LYPD6B: variants seen among roughly 807,000 people sequenced by gnomAD.
LYPD6B encodes the protein LY6/PLAUR domain containing 6B, also known as ly6/PLAUR domain-containing protein 6B.
Under a neutral mutation model 22.8 loss-of-function variants are expected in LYPD6B, and 17 were observed. The observed-to-expected ratio is 0.75, with a 90% CI of 0.51 to 1.12. The LOEUF (loss-of-function observed/expected upper bound fraction) is 1.12, where lower values mean the gene tolerates loss of function less well. Ranked by LOEUF, LYPD6B falls within the 50% of genes most tolerant of loss-of-function variation. The pLI, the probability that LYPD6B is intolerant of heterozygous loss-of-function variation, is 0.00. For missense variants in LYPD6B, 221 were observed against 258.3 expected, an observed-to-expected ratio of 0.86 and a Z score of 0.99; for synonymous variants, 106 against 91.6, an observed-to-expected ratio of 1.16 and a Z score of -0.90.
chr2:149,045,541 T>C (rs2105262273), intron 1 of LYPD6B, among the ~76,000 whole-genome samples: 1 of 152,194 alleles, frequency 6.6e-6, no homozygotes, highest in East Asian at 1.9e-4. Context: ...ATGCTATACA[T>C]TTCCCTCTAG....
intron 3 of LYPD6B, among the ~76,000 whole-genome samples, chr2:149,163,411 AATAG>A (rs1360555776): frequency 1.3e-5 from 2 of 152,170 alleles, no homozygotes; most frequent in African/African-American, 2.4e-5. Flanking sequence ...ATACCCACAA[AATAG>A]ATAGTACAAG....
chr2:149,085,473 T>C (rs534184657), intron 1 of LYPD6B, among the ~76,000 whole-genome samples: 1 of 152,360 alleles, frequency 6.6e-6, no homozygotes, highest in East Asian at 1.9e-4. Context: ...ATAGAATTGT[T>C]TATTTTTTTC....
At chr2:149,115,342 C>G (rs1249675006) in intron 1 of LYPD6B, among the ~76,000 whole-genome samples, 1 of 152,194 alleles carries the variant, frequency 6.6e-6, no homozygotes, top group Non-Finnish European at 1.5e-5. Context: ...AGTTTTCTAT[C>G]TACCTTATTG....
chr2:149,202,283 T>C (rs1693211119), intron 3 of LYPD6B, among the ~76,000 whole-genome samples: 1 of 152,188 alleles, frequency 6.6e-6, no homozygotes, highest in Non-Finnish European at 1.5e-5. Flanking sequence ...ATTCTTGCTA[T>C]GGCCTGTAAG....
Position 149,088,998 on chromosome 2 carries a change from A to G in LYPD6B, c.-66-41885A>G, listed in dbSNP as rs114113380. 4.6e-3 allele frequency among the ~76,000 whole-genome samples: 705 copies of G among 152,248 alleles called. 4 individuals carry two copies. The highest frequency in any genetic ancestry group is 0.016 in the African/African-American group (671 of 41,546). On this transcript the variant is annotated intron_variant, in intron 1 of 6. Coordinates refer to ENST00000409642, the MANE Select transcript of LYPD6B (RefSeq NM_177964.5). ...CATACTTCCTTTTGAAGAGTTCTCAAACACTCAGTTTCCTCTTCCTCAAAA... is the reference window on the plus strand; with the variant it reads ...CATACTTCCTTTTGAAGAGTTCTCAGACACTCAGTTTCCTCTTCCTCAAAA...
chr2:149,128,306 C>G (rs545679885), intron 1 of LYPD6B, among the ~76,000 whole-genome samples: 1 of 152,124 alleles, frequency 6.6e-6, no homozygotes, highest in Non-Finnish European at 1.5e-5. Flanking sequence ...TAGGGATGTT[C>G]CATCAAATAG....
chr2:149,061,972 C>A (rs1325843817), intron 1 of LYPD6B, among the ~76,000 whole-genome samples: 2 of 142,700 alleles, frequency 1.4e-5, no homozygotes, highest in African/African-American at 2.6e-5. Flanking sequence ...ATCGTAGAAT[C>A]TTTTTTTTTT....
At chr2:149,124,183 T>G (rs2105634991) in intron 1 of LYPD6B, among the ~76,000 whole-genome samples, 1 of 152,240 alleles carries the variant, frequency 6.6e-6, no homozygotes, top group East Asian at 1.9e-4. Context: ...GTCCTTTTAA[T>G]TCCTCACTGC....
At chr2:149,057,697 G>C (rs1683868621) in intron 1 of LYPD6B, among the ~76,000 whole-genome samples, 1 of 152,160 alleles carries the variant, frequency 6.6e-6, no homozygotes, top group Non-Finnish European at 1.5e-5. Flanking sequence ...GCAAATGGAA[G>C]AATTACAGCA....
intron 3 of LYPD6B, among the ~76,000 whole-genome samples, chr2:149,189,186 C>T (rs4455126): frequency 1.3e-5 from 2 of 151,678 alleles, no homozygotes; most frequent in Admixed American, 6.6e-5. Context: ...ACTCAGCAGC[C>T]TGAAATCTGG....
chr2:149,168,303 G>A lies in LYPD6B; in HGVS notation c.77+7468G>A, dbSNP rs949401060. Among the ~76,000 whole-genome samples, 19 of 151,706 alleles carry A rather than the reference G, an allele frequency of 1.3e-4. 1 individual carries two copies. Among genetic ancestry groups the A allele is most frequent in the Non-Finnish European group, 1.9e-4 (13 of 67,960 alleles). On this transcript the variant is annotated intron_variant, in intron 3 of 6. Coordinates refer to ENST00000409642, the MANE Select transcript of LYPD6B (RefSeq NM_177964.5). The stretch of plus-strand genomic sequence containing the variant: ...GGGATGGTGCTTTCAATGGTTAAAG[G>A]CATATTTACACATTTGCACATGTGC...
intron 3 of LYPD6B, among the ~76,000 whole-genome samples, chr2:149,161,975 T>A (rs55904209): frequency 0.2 from 30,448 of 152,008 alleles, 3,539 homozygotes; most frequent in Non-Finnish European, 0.26. Flanking sequence ...CCCCGGGGCA[T>A]ATTGGGTGGA....
intron 1 of LYPD6B, among the ~76,000 whole-genome samples, chr2:149,104,654 T>C (rs1432303016): frequency 6.6e-6 from 1 of 152,220 alleles, no homozygotes. Context: ...TCTTTTATTA[T>C]AATCTGTGGC....
chr2:149,143,812 G>A (rs1162980846), intron 2 of LYPD6B: 1 of 152,212 alleles, frequency 6.6e-6, no homozygotes, highest in African/African-American at 2.4e-5. Context: ...TAAAAGGCTA[G>A]CTATGGAAAT....
At chr2:149,127,995 T>C (rs1575021396) in intron 1 of LYPD6B, among the ~76,000 whole-genome samples, 1 of 34,056 alleles carries the variant, frequency 2.9e-5, no homozygotes. Flanking sequence ...TAAATGATGA[T>C]TTTTTTTTTT....
chr2:149,103,157 G>A (rs1558998973), intron 1 of LYPD6B, among the ~76,000 whole-genome samples: 1 of 152,148 alleles, frequency 6.6e-6, no homozygotes, highest in Non-Finnish European at 1.5e-5. Context: ...ATTGTTTTCA[G>A]TCCTCTTTAG....
chr2:149,135,719 CA>C (rs386391471), intron 2 of LYPD6B, among the ~76,000 whole-genome samples: 1,190 of 32,190 alleles, frequency 0.037, 8 homozygotes, highest in East Asian at 0.26. Flanking sequence ...GACCATGTCT[CA>C]AAAAAAAAAA....
intron 2 of LYPD6B, among the ~76,000 whole-genome samples, chr2:149,138,624 A>G (rs889565295): frequency 6.6e-6 from 1 of 152,124 alleles, no homozygotes; most frequent in Non-Finnish European, 1.5e-5. Flanking sequence ...TCACTGTATC[A>G]TCGAACTCCT....
At chr2:149,110,006 C>T (rs541897142) in intron 1 of LYPD6B, among the ~76,000 whole-genome samples, 3 of 152,218 alleles carry the variant, frequency 2.0e-5, no homozygotes, top group East Asian at 1.9e-4. Flanking sequence ...CCACCGTACC[C>T]GGCCACGTTC....
Sources: gnomAD v4.1 joint callset for allele counts (sites outside exome capture counted in the v4.1 genomes callset) on GRCh38, gnomAD v4.1.1 for gene constraint, MANE v1.5 for transcripts, NCBI Gene and HGNC (gene_info 2026-07-23, HGNC 2026-07-21) for gene names.